The following DCP1A variants were observed in gnomAD, a reference collection of about 807,000 sequenced individuals.
DCP1A encodes mRNA-decapping enzyme 1A.
DCP1A carries 20 observed loss-of-function variants against 58.0 expected under a neutral mutation model. The observed-to-expected ratio is 0.34, with a 90% CI of 0.24 to 0.50. DCP1A has a LOEUF of 0.50. Ranked by LOEUF, DCP1A falls within the 20% of genes least tolerant of loss-of-function variation. The probability of loss-of-function intolerance (pLI) is 0.98; values close to 1 mark genes in which losing one functional copy is unlikely to be tolerated. For synonymous variants in DCP1A, 285 were observed against 275.1 expected, an observed-to-expected ratio of 1.04 and a Z score of -0.36; for missense variants, 613 against 712.2, an observed-to-expected ratio of 0.86 and a Z score of 1.59.
At chr3:53,321,430 T>G (rs1553689931) in intron 3 of DCP1A, among the ~76,000 whole-genome samples, 1 of 152,168 alleles carries the variant, frequency 6.6e-6, no homozygotes, top group African/African-American at 2.4e-5. Context: ...TAAGTAAAAC[T>G]TGGGTCAGGC....
At chr3:53,302,731 C>A (rs1707349921) in intron 6 of DCP1A, among the ~76,000 whole-genome samples, 1 of 151,852 alleles carries the variant, frequency 6.6e-6, no homozygotes, top group Admixed American at 6.6e-5. Flanking sequence ...CAAGCAATTT[C>A]TCCTACCTCA....
chr3:53,339,372 G>T, intron 3 of DCP1A, among the ~76,000 whole-genome samples: 1 of 152,088 alleles, frequency 6.6e-6, no homozygotes, highest in East Asian at 1.9e-4. Context: ...AAAGTAAAAT[G>T]CATTAATGCA....
chr3:53,291,190 T>C (rs1461457009), intron 7 of DCP1A, among the ~76,000 whole-genome samples: 2 of 152,158 alleles, frequency 1.3e-5, no homozygotes, highest in African/African-American at 2.4e-5. Flanking sequence ...GGAATATATA[T>C]AATTTTTAAT....
intron 4 of DCP1A, among the ~76,000 whole-genome samples, chr3:53,315,909 A>G (rs565275963): frequency 1.3e-5 from 2 of 152,084 alleles, no homozygotes; most frequent in South Asian, 4.1e-4. Flanking sequence ...GCCCGCCACC[A>G]TGCCCCGCTA....
At position 53,342,137 on chromosome 3, in the gene DCP1A, T is replaced by A; in HGVS notation, c.304+7A>T. On this transcript the variant is annotated splice_region_variant and intron_variant, in intron 3 of 9. Coordinates refer to ENST00000610213, the MANE Select transcript of DCP1A (RefSeq NM_018403.7). ...TGTAATAACTATAATAAAACAGATA[T>A]ACTCACAGCTTGCATTTCTATACAG... 1.3e-6 allele frequency: 2 copies of A among 1,591,902 alleles called. No homozygotes were observed. Among genetic ancestry groups the A allele is most frequent in the African/African-American group, 1.3e-5 (1 of 74,394 alleles).
At chr3:53,307,343 T>G (rs1707506429) in intron 5 of DCP1A, among the ~76,000 whole-genome samples, 1 of 152,198 alleles carries the variant, frequency 6.6e-6, no homozygotes, top group South Asian at 2.1e-4. Flanking sequence ...AGCCCCAGAT[T>G]TGTAATTTTT....
chr3:53,312,495 C>CTTTT (rs879948145), intron 4 of DCP1A, 116 bp from the exon 5 acceptor site: 44 of 526,182 alleles, frequency 8.4e-5, no homozygotes, highest in Middle Eastern at 5.2e-4. Context: ...TGACATTCTT[C>CTTTT]TTTTTTTTTT....
chr3:53,292,891 T>C, intron 6 of DCP1A, 64 bp from the exon 7 acceptor site: 11 of 1,501,472 alleles, frequency 7.3e-6, no homozygotes, highest in Non-Finnish European at 9.7e-6. Flanking sequence ...ACCAAACTTC[T>C]TTTCCAGAAG....
chr3:53,313,515 T>G (rs1198075992), intron 4 of DCP1A, among the ~76,000 whole-genome samples: 2 of 149,092 alleles, frequency 1.3e-5, no homozygotes, highest in African/African-American at 4.9e-5. Flanking sequence ...AGCAAAATAT[T>G]AGGAACTGAA....
At chr3:53,289,014 C>T (rs893007674) in intron 8 of DCP1A, among the ~76,000 whole-genome samples, 1 of 150,648 alleles carries the variant, frequency 6.6e-6, no homozygotes, top group Admixed American at 6.6e-5. Context: ...GACTCCATCT[C>T]GTCTTTTTTT....
Position 53,308,984 on chromosome 3 carries a change from C to A in DCP1A, c.510+3257G>T, listed in dbSNP as rs116066263. 9.6e-3 allele frequency among the ~76,000 whole-genome samples: 1,455 copies of A among 152,150 alleles called. 24 individuals are homozygous for A. Among genetic ancestry groups the A allele is most frequent in the African/African-American group, 0.033 (1,387 of 41,494 alleles). ...AAAACCAAACAAACAACCATCCGCA[C>A]CCCCCTGACCAAAATCCAGGATTAC... is the stretch of plus-strand genomic sequence containing the variant. On this transcript the variant is annotated intron_variant, in intron 5 of 9. Coordinates refer to ENST00000610213, the MANE Select transcript of DCP1A (RefSeq NM_018403.7).
intron 1 of DCP1A, 58 bp from the exon 2 acceptor site, chr3:53,345,000 C>G (rs1317110487): frequency 1.5e-6 from 2 of 1,299,730 alleles, no homozygotes; most frequent in African/African-American, 3.0e-5. Flanking sequence ...CCCAAATAGT[C>G]CCCATGGAGA....
intron 6 of DCP1A, among the ~76,000 whole-genome samples, chr3:53,300,683 G>T (rs1707284881): frequency 6.7e-6 from 1 of 150,336 alleles, no homozygotes; most frequent in Non-Finnish European, 1.5e-5. Flanking sequence ...GGTCTCCCTT[G>T]GTCGCCCAGG....
intron 2 of DCP1A, among the ~76,000 whole-genome samples, chr3:53,344,236 A>G (rs1358853408): frequency 6.6e-6 from 1 of 152,176 alleles, no homozygotes; most frequent in Non-Finnish European, 1.5e-5. Flanking sequence ...TGTAAGAGTT[A>G]AGACCTTAGA....
intron 2 of DCP1A, 102 bp from the exon 3 acceptor site, chr3:53,342,373 G>C: frequency 1.1e-6 from 1 of 906,164 alleles, no homozygotes; most frequent in Non-Finnish European, 1.6e-6. Context: ...GAATGCATTA[G>C]AACATTATAC....
intron 3 of DCP1A, among the ~76,000 whole-genome samples, chr3:53,340,661 A>T (rs2089189225): frequency 1.3e-5 from 2 of 151,688 alleles, no homozygotes; most frequent in African/African-American, 4.8e-5. Flanking sequence ...CTTAGATGCC[A>T]ATTAGAGCAC....
chr3:53,321,869 A>G (rs969810140), intron 3 of DCP1A, among the ~76,000 whole-genome samples: 1 of 152,232 alleles, frequency 6.6e-6, no homozygotes. Context: ...AGCTTCAGTT[A>G]TGCTCGATGA....
Position 53,288,196 on chromosome 3 carries a change from T to G in DCP1A, c.1537A>C (p.Arg513=). 2.5e-6 allele frequency: 4 copies of G among 1,614,042 alleles called. No individual in the cohort carries two copies. The highest frequency in any genetic ancestry group is 3.4e-6 in the Non-Finnish European group (4 of 1,179,896). ...GCTTTCCTCTCAAGGTCCGAAGATC[T>G]TGTAACTGTCTGCTGGAAAACACTT... ...APSVFQQTVT[R]SSDLERKASS... Residue 513 remains arginine (R), a synonymous_variant, in exon 9 of 10, where the codon AGA becomes CGA. Coordinates refer to ENST00000610213, the MANE Select transcript of DCP1A (RefSeq NM_018403.7).
At chr3:53,347,332 T>C in intron 1 of DCP1A, 51 bp downstream of exon 1, 1 of 1,488,386 alleles carries the variant, frequency 6.7e-7, no homozygotes, top group Non-Finnish European at 8.9e-7. Context: ...GCGGCCCCTT[T>C]AAGAGACGGC....
Sources: gnomAD v4.1 joint callset for allele counts (sites outside exome capture counted in the v4.1 genomes callset) on GRCh38, gnomAD v4.1.1 for gene constraint, MANE v1.5 for transcripts, NCBI Gene and HGNC (gene_info 2026-07-23, HGNC 2026-07-21) for gene names.